Variants in SH3GLB1 observed in about 807,000 individuals in gnomAD.
The protein encoded by SH3GLB1 is SH3 domain containing GRB2 like, endophilin B1.
A neutral mutation model predicts 42.0 loss-of-function variants in SH3GLB1; 17 were observed. The observed-to-expected ratio is 0.40, with a 90% CI of 0.28 to 0.61. The LOEUF (loss-of-function observed/expected upper bound fraction) is 0.61, where lower values mean the gene tolerates loss of function less well. Ranked by LOEUF, SH3GLB1 falls within the 20% of genes least tolerant of loss-of-function variation. SH3GLB1 has a pLI of 0.36. For missense variants in SH3GLB1, 355 were observed against 426.3 expected (o/e 0.83, Z 1.47); for synonymous variants, 132 against 146.6 (o/e 0.90, Z 0.72).
Position 86,747,649 on chromosome 1 carries a change from CTAAAG to C in SH3GLB1, c.*4418_*4422del, listed in dbSNP as rs571076823. On this transcript the variant is annotated 3_prime_UTR_variant, in exon 9 of 9. Coordinates refer to ENST00000370558, the MANE Select transcript of SH3GLB1 (RefSeq NM_016009.5). ...GGTTTCTAGGAATGGATTGCTTAGT[CTAAAG>C]TAAGCACTACCACCATCCACGTTTT... The C allele has an allele frequency of 1.5e-3, 228 of 152,304 alleles. 2 individuals carry two copies. The highest frequency in any genetic ancestry group is 5.2e-3 in the African/African-American group (216 of 41,572). 9.4% of individuals were successfully genotyped at this position (152,304 alleles called of 1,614,324 possible). A position where few individuals can be genotyped will look rare whatever the true frequency, so the allele number is the denominator to read the frequency against.
At chr1:86,710,039 T>G (rs1364841644) in intron 1 of SH3GLB1, among the ~76,000 whole-genome samples, 2 of 152,224 alleles carry the variant, frequency 1.3e-5, no homozygotes, top group Non-Finnish European at 2.9e-5. Context: ...ATAAATAAAA[T>G]ATGTCACATT....
At chr1:86,709,251 C>A (rs1200515802) in intron 1 of SH3GLB1, among the ~76,000 whole-genome samples, 1 of 152,206 alleles carries the variant, frequency 6.6e-6, no homozygotes, top group African/African-American at 2.4e-5. Flanking sequence ...TCCCCTCTTA[C>A]AACATCTAAC....
intron 5 of SH3GLB1, among the ~76,000 whole-genome samples, chr1:86,729,375 G>GT (rs145904670): frequency 0.014 from 2,186 of 150,852 alleles, 52 homozygotes; most frequent in African/African-American, 0.051. Flanking sequence ...TTTTGTTTTT[G>GT]TTTTTTTTTA....
At chr1:86,742,659 A>T (rs1306584994) in intron 8 of SH3GLB1, among the ~76,000 whole-genome samples, 1 of 152,174 alleles carries the variant, frequency 6.6e-6, no homozygotes, top group Non-Finnish European at 1.5e-5. Flanking sequence ...AACTCCCTCC[A>T]ATAAGATCCT....
intron 5 of SH3GLB1, chr1:86,728,378 C>G (rs74097424): frequency 4.4e-6 from 6 of 1,348,488 alleles, no homozygotes; most frequent in South Asian, 1.3e-5. Context: ...ATAATGTGTT[C>G]TTTGTCTCTT....
chr1:86,712,339 T>C (rs1015055277), intron 1 of SH3GLB1, among the ~76,000 whole-genome samples: 1 of 152,126 alleles, frequency 6.6e-6, no homozygotes, highest in Non-Finnish European at 1.5e-5. Flanking sequence ...TATGATTGGA[T>C]AATAGTAATA....
At position 86,724,357 on chromosome 1, in the gene SH3GLB1, T is replaced by A; in HGVS notation, c.522T>A (p.Ala174=). 3 of 1,603,868 alleles carry A rather than the reference T, an allele frequency of 1.9e-6. No homozygotes were observed. Among genetic ancestry groups the A allele is most frequent in the Non-Finnish European group, 2.5e-6 (3 of 1,177,290 alleles). Residue 174 remains alanine, a synonymous_variant, in exon 5 of 9, where the codon GCT becomes GCA. Coordinates refer to ENST00000370558, the MANE Select transcript of SH3GLB1 (RefSeq NM_016009.5). Reference sequence around the variant, plus strand: ...AAAATAAGAGACTGGATTTGGATGCTGCAAAAACGAGACTAAAAAAGGCAA... The same window carrying A: ...AAAATAAGAGACTGGATTTGGATGCAGCAAAAACGAGACTAAAAAAGGCAA... ...LLQNKRLDLD[A]AKTRLKKAKA...
At chr1:86,735,738 T>C (rs890060657) in intron 7 of SH3GLB1, among the ~76,000 whole-genome samples, 7 of 152,304 alleles carry the variant, frequency 4.6e-5, no homozygotes, top group African/African-American at 1.2e-4. Flanking sequence ...TGGGGTAATA[T>C]CAGCAAACAA....
intron 3 of SH3GLB1, 109 bp from the exon 4 acceptor site, chr1:86,722,431 G>T: frequency 1.1e-6 from 1 of 931,998 alleles, no homozygotes. Context: ...ACTTTAGCAA[G>T]CAAGTTACAG....
intron 7 of SH3GLB1, 71 bp from the exon 8 acceptor site, chr1:86,742,137 G>C: frequency 1.9e-6 from 2 of 1,069,024 alleles, no homozygotes; most frequent in Admixed American, 1.9e-5. Context: ...AGTAAACAGC[G>C]CCACCGAGTG....
At chr1:86,709,409 A>G (rs1284701138) in intron 1 of SH3GLB1, among the ~76,000 whole-genome samples, 3 of 152,216 alleles carry the variant, frequency 2.0e-5, no homozygotes, top group Non-Finnish European at 2.9e-5. Context: ...GTTAACTAAT[A>G]CCAGTATAAA....
intron 5 of SH3GLB1, among the ~76,000 whole-genome samples, chr1:86,729,550 G>T (rs1327199057): frequency 6.6e-6 from 1 of 151,882 alleles, no homozygotes; most frequent in Non-Finnish European, 1.5e-5. Context: ...TTTGTCTGAG[G>T]TAAAAACATA....
chr1:86,732,564 A>C (rs1034958965), intron 5 of SH3GLB1, among the ~76,000 whole-genome samples: 1 of 152,130 alleles, frequency 6.6e-6, no homozygotes, highest in African/African-American at 2.4e-5. Context: ...ATATGCACTA[A>C]AACTTGTTCA....
chr1:86,725,087 T>C (rs1181320919), intron 5 of SH3GLB1, among the ~76,000 whole-genome samples: 1 of 150,406 alleles, frequency 6.6e-6, no homozygotes, highest in Non-Finnish European at 1.5e-5. Flanking sequence ...TTTTTAAATA[T>C]CGTCAGTGGT....
Position 86,724,892 on chromosome 1 carries a change from A to AATATAT in SH3GLB1, c.570+503_570+508dup, listed in dbSNP as rs58927851. On this transcript the variant is annotated intron_variant, in intron 5 of 8. Coordinates refer to ENST00000370558, the MANE Select transcript of SH3GLB1 (RefSeq NM_016009.5). ...CTGTCTTTAAAAAAAAAAAAAAAAA[A>AATATAT]ATATATATATATATATATATAAAAT... 5.4e-4 allele frequency among the ~76,000 whole-genome samples: 54 copies of AATATAT among 99,676 alleles called. No homozygotes were observed. The East Asian group carries it at 0.011, about 21-fold the overall frequency. 65.4% of individuals were successfully genotyped at this position (99,676 alleles called of 152,430 possible). A position where few individuals can be genotyped will look rare whatever the true frequency, so the allele number is the denominator to read the frequency against.
At chr1:86,726,317 T>G (rs552949200) in intron 5 of SH3GLB1, among the ~76,000 whole-genome samples, 1 of 152,044 alleles carries the variant, frequency 6.6e-6, no homozygotes, top group African/African-American at 2.4e-5. Flanking sequence ...CACACACATA[T>G]AGATTTAACA....
In SH3GLB1 at chr1:86,743,322, G is replaced by A. The variant is rs1656154643; in HGVS notation, c.*87G>A. The A allele has an allele frequency of 1.2e-6, 1 of 819,232 alleles. No individual in the cohort carries two copies. The highest frequency in any genetic ancestry group is 1.8e-5 in the African/African-American group (1 of 57,122). 50.7% of individuals were successfully genotyped at this position (819,232 alleles called of 1,614,324 possible). A position where few individuals can be genotyped will look rare whatever the true frequency, so the allele number is the denominator to read the frequency against. ...ATAAAGCAGGTTAAGTATCTTCCAT[G>A]TTAATGTGTTAAGAGACTGAAAATA... On this transcript the variant is annotated 3_prime_UTR_variant, in exon 9 of 9. Transcript: ENST00000370558.
chr1:86,707,676 T>G (rs1490440862), intron 1 of SH3GLB1, among the ~76,000 whole-genome samples: 1 of 149,068 alleles, frequency 6.7e-6, no homozygotes, highest in East Asian at 1.9e-4. Context: ...GAGATGGAGT[T>G]TGGCTCTTGT....
In SH3GLB1 at chr1:86,729,969, T is replaced by G. The variant is rs964272780; in HGVS notation, c.571-4633T>G. On this transcript the variant is annotated intron_variant, in intron 5 of 8. Transcript: ENST00000370558. ...TACTACTGTGTTTAATCTATAAATA[T>G]GATTCTGAAAAAGAGTATGCCATTT... 8.3e-6 allele frequency: 8 copies of G among 965,150 alleles called. 1 individual carries two copies. Among genetic ancestry groups the G allele is most frequent in the Admixed American group, 2.6e-5 (1 of 38,490 alleles). 59.8% of individuals were successfully genotyped at this position (965,150 alleles called of 1,614,324 possible).
Sources: gnomAD v4.1 joint callset for allele counts (sites outside exome capture counted in the v4.1 genomes callset) on GRCh38, gnomAD v4.1.1 for gene constraint, MANE v1.5 for transcripts, NCBI Gene and HGNC (gene_info 2026-07-23, HGNC 2026-07-21) for gene names.